The following KIF11 variants were observed in gnomAD, a reference collection of about 807,000 sequenced individuals.
KIF11 encodes kinesin family member 11, also known as kinesin-like protein KIF11.
In KIF11, 9 loss-of-function variants were observed where a neutral mutation model predicts 121.0. The observed-to-expected ratio is 0.07, with a 90% CI of 0.04 to 0.13. The LOEUF (loss-of-function observed/expected upper bound fraction) is 0.13. Ranked by LOEUF, KIF11 falls within the 10% of genes least tolerant of loss-of-function variation. The probability of loss-of-function intolerance (pLI) is 1.00; values close to 1 mark genes in which losing one functional copy is unlikely to be tolerated. For missense variants in KIF11, 846 were observed against 1,217.5 expected, an observed-to-expected ratio of 0.69 and a Z score of 4.54; for synonymous variants, 408 against 421.0, an observed-to-expected ratio of 0.97 and a Z score of 0.38.
intron 10 of KIF11, among the ~76,000 whole-genome samples, chr10:92,621,867 CT>C (rs1844620676): frequency 1.3e-5 from 2 of 152,130 alleles, no homozygotes; most frequent in South Asian, 4.1e-4. Flanking sequence ...TTTTAAAAAT[CT>C]TTTACTAACT....
chr10:92,603,263 C>CTTTTTTTTTTTT (rs368046931), intron 1 of KIF11, among the ~76,000 whole-genome samples: 14 of 109,168 alleles, frequency 1.3e-4, no homozygotes, highest in South Asian at 3.1e-4. Flanking sequence ...CTTTTCTTTT[C>CTTTTTTTTTTTT]TTTTTTTTTT....
In KIF11 at chr10:92,593,411, A is replaced by G. The variant is rs1844253815; in HGVS notation, c.36A>G (p.Lys12=). The change falls in exon 1 of 22, where the codon AAA becomes AAG. Residue 12 remains lysine, a synonymous_variant. Transcript: ENST00000260731. The part of the protein sequence containing the change: ...ASQPNSSAKK[K]EEKGKNIQVV... ...AGCCAAATTCGTCTGCGAAGAAGAA[A>G]GAGGAGAAGGGGAAGAACATCCAGG... is the stretch of plus-strand genomic sequence containing the variant. The G allele has an allele frequency of 1.9e-6, 3 of 1,611,652 alleles. No homozygotes were observed. The highest frequency in any genetic ancestry group is 2.2e-5 in the South Asian group (2 of 90,390).
intron 14 of KIF11, among the ~76,000 whole-genome samples, chr10:92,636,557 AGT>A (rs1844799332): frequency 6.6e-6 from 1 of 152,044 alleles, no homozygotes; most frequent in African/African-American, 2.4e-5. Context: ...CGGAGGTTGC[AGT>A]GAGCCAAGAT....
chr10:92,594,624 G>A (rs1277594459), intron 1 of KIF11, among the ~76,000 whole-genome samples: 1 of 152,104 alleles, frequency 6.6e-6, no homozygotes, highest in Non-Finnish European at 1.5e-5. Flanking sequence ...CTTACAAAAA[G>A]TTATTAAGAA....
intron 12 of KIF11, among the ~76,000 whole-genome samples, chr10:92,631,202 G>T (rs1844735065): frequency 6.8e-6 from 1 of 147,136 alleles, no homozygotes; most frequent in African/African-American, 2.5e-5. Context: ...GCTGAGGCAA[G>T]AGAATCACTT....
Position 92,654,201 on chromosome 10 carries a change from G to C in KIF11, c.*405G>C, listed in dbSNP as rs796171354. On this transcript the variant is annotated 3_prime_UTR_variant, in exon 22 of 22. Transcript: ENST00000260731. Reference sequence around the variant, plus strand: ...AAAACAAAATTTAAAAAAGATATAAGGCAGTACTGTAAATTCAGTTGAATT... The same window carrying C: ...AAAACAAAATTTAAAAAAGATATAACGCAGTACTGTAAATTCAGTTGAATT... The C allele has an allele frequency of 1.4e-4, 22 of 154,164 alleles. No individual in the cohort carries two copies. The highest frequency in any genetic ancestry group is 5.1e-4 in the African/African-American group (21 of 41,510). The allele number at this position is 154,164 out of a possible 1,614,324, so 9.5% of individuals were successfully genotyped here.
At chr10:92,610,472 T>C (rs1844483629) in intron 6 of KIF11, among the ~76,000 whole-genome samples, 1 of 152,226 alleles carries the variant, frequency 6.6e-6, no homozygotes, top group African/African-American at 2.4e-5. Flanking sequence ...CCTTTTTTCT[T>C]GTAAAGACCC....
At chr10:92,617,297 G>A (rs755991497) in intron 9 of KIF11, among the ~76,000 whole-genome samples, 3 of 152,106 alleles carry the variant, frequency 2.0e-5, no homozygotes, top group Non-Finnish European at 4.4e-5. Flanking sequence ...TTTTCTGGAC[G>A]TTTCCTATAA....
intron 11 of KIF11, among the ~76,000 whole-genome samples, chr10:92,629,684 T>C (rs1844715839): frequency 6.6e-6 from 1 of 152,078 alleles, no homozygotes; most frequent in African/African-American, 2.4e-5. Context: ...TGTAATCATA[T>C]CTTACTGCAG....
intron 10 of KIF11, among the ~76,000 whole-genome samples, chr10:92,624,172 T>C (rs1452051004): frequency 6.6e-6 from 1 of 152,004 alleles, no homozygotes; most frequent in Non-Finnish European, 1.5e-5. Context: ...TGTTAGTTTG[T>C]TTAGGACAAT....
chr10:92,650,597 G>A, intron 21 of KIF11, 80 bp downstream of exon 21: 1 of 819,194 alleles, frequency 1.2e-6, no homozygotes, highest in Non-Finnish European at 2.1e-6. Context: ...TGTTCGTGGT[G>A]AGCAGAACAA....
At position 92,602,465 on chromosome 10, in the gene KIF11, C is replaced by T. The variant is rs895483525; in HGVS notation, c.78-3800C>T. Among the ~76,000 whole-genome samples, 3 of 152,050 alleles carry T rather than the reference C, an allele frequency of 2.0e-5. No individual in the cohort carries two copies. In the South Asian group the frequency reaches 6.2e-4, roughly 31 times the overall value. ...CTGGTTATAGCTCCATTCAGAATTT[C>T]CATTTCTTTGTGATTTAGTCTTTGT... On this transcript the variant is annotated intron_variant, in intron 1 of 21. Transcript: ENST00000260731.
At chr10:92,609,770 CTT>C (rs1221166459) in intron 6 of KIF11, among the ~76,000 whole-genome samples, 2 of 152,078 alleles carry the variant, frequency 1.3e-5, no homozygotes, top group Non-Finnish European at 2.9e-5. Flanking sequence ...AATTTTCGCT[CTT>C]GTTACCCAGG....
intron 1 of KIF11, among the ~76,000 whole-genome samples, chr10:92,593,999 G>A (rs1270442049): frequency 6.6e-6 from 1 of 152,108 alleles, no homozygotes; most frequent in Non-Finnish European, 1.5e-5. Flanking sequence ...TTTCATCTGC[G>A]TGTTTGTTCA....
At chr10:92,640,623 G>T (rs998184268) in intron 17 of KIF11, among the ~76,000 whole-genome samples, 2 of 151,876 alleles carry the variant, frequency 1.3e-5, no homozygotes, top group African/African-American at 4.8e-5. Flanking sequence ...AGTAGAGAGG[G>T]GTTTCACCAT....
chr10:92,628,971 T>G, intron 11 of KIF11, 76 bp downstream of exon 11: 1 of 798,534 alleles, frequency 1.3e-6, no homozygotes, highest in Non-Finnish European at 2.0e-6. Context: ...AAAGATCTAA[T>G]ATTTTTTCCT....
intron 10 of KIF11, among the ~76,000 whole-genome samples, chr10:92,622,344 G>A (rs182545948): frequency 2.7e-4 from 41 of 152,042 alleles, no homozygotes; most frequent in African/African-American, 8.9e-4. Flanking sequence ...GCTGGGCGCC[G>A]TGGCTCACGC....
intron 9 of KIF11, among the ~76,000 whole-genome samples, chr10:92,620,381 G>C (rs1306128067): frequency 2.0e-5 from 3 of 152,126 alleles, no homozygotes; most frequent in African/African-American, 4.8e-5. Context: ...CGTCCGGCCA[G>C]AGGTATAGTT....
intron 17 of KIF11, 104 bp downstream of exon 17, chr10:92,640,004 TTC>T (rs1844847846): frequency 1.7e-6 from 1 of 594,588 alleles, no homozygotes; most frequent in Non-Finnish European, 2.9e-6. Flanking sequence ...ACTTTCAAAT[TTC>T]TCTTTTGTTA....
Sources: gnomAD v4.1 joint callset for allele counts (sites outside exome capture counted in the v4.1 genomes callset) on GRCh38, gnomAD v4.1.1 for gene constraint, MANE v1.5 for transcripts, NCBI Gene and HGNC (gene_info 2026-07-23, HGNC 2026-07-21) for gene names.